Variants in OCIAD1 observed in about 807,000 individuals in gnomAD.
OCIAD1 encodes OCIA domain containing 1.
In OCIAD1, 29 loss-of-function variants were observed where a neutral mutation model predicts 38.9. The ratio of observed to expected loss-of-function variants is 0.74; its 90% CI spans 0.55 to 1.02. OCIAD1 has a LOEUF of 1.02. OCIAD1 is among the 50% of genes least tolerant of loss of function. The pLI, the probability that OCIAD1 is intolerant of heterozygous loss-of-function variation, is 0.00. For synonymous variants in OCIAD1, 110 were observed against 92.0 expected (o/e 1.20, Z -1.12); for missense variants, 288 against 289.6 (o/e 0.99, Z 0.04).
At chr4:48,845,520 A>G (rs1327950566) in intron 4 of OCIAD1, among the ~76,000 whole-genome samples, 1 of 152,174 alleles carries the variant, frequency 6.6e-6, no homozygotes, top group South Asian at 2.1e-4. Context: ...AGTGTCTGAT[A>G]TGTACTATAC....
At chr4:48,835,466 G>GT (rs1777897183) in intron 3 of OCIAD1, among the ~76,000 whole-genome samples, 1 of 152,014 alleles carries the variant, frequency 6.6e-6, no homozygotes, top group African/African-American at 2.4e-5. Flanking sequence ...GTGTTTTTCT[G>GT]TAACATAAGG....
At chr4:48,836,121 G>A (rs1777961215) in intron 3 of OCIAD1, among the ~76,000 whole-genome samples, 1 of 152,166 alleles carries the variant, frequency 6.6e-6, no homozygotes, top group Admixed American at 6.5e-5. Flanking sequence ...TGCAAGATGG[G>A]TAGAAGGGTG....
intron 4 of OCIAD1, among the ~76,000 whole-genome samples, chr4:48,844,971 T>C (rs960814725): frequency 7.9e-5 from 12 of 152,158 alleles, no homozygotes; most frequent in African/African-American, 2.7e-4. Flanking sequence ...GTTTTTTTTT[T>C]CCTAAATATT....
intron 1 of OCIAD1, among the ~76,000 whole-genome samples, chr4:48,824,631 C>T (rs542881419): frequency 3.3e-5 from 5 of 152,230 alleles, no homozygotes; most frequent in African/African-American, 1.2e-4. Flanking sequence ...AAGCGATCCT[C>T]CTGCCTTGGC....
intron 3 of OCIAD1, chr4:48,837,073 A>T (rs1219911749): frequency 6.6e-6 from 1 of 150,492 alleles, no homozygotes; most frequent in Non-Finnish European, 1.5e-5. Flanking sequence ...CTGGGTTCAT[A>T]CCATTCTCCT....
chr4:48,809,397 G>A (rs527963988), intron 1 of OCIAD1, among the ~76,000 whole-genome samples: 4 of 151,966 alleles, frequency 2.6e-5, no homozygotes, highest in Admixed American at 6.6e-5. Flanking sequence ...GGTGGTGGGC[G>A]CCAATAATCC....
chr4:48,818,977 T>C (rs1052120774), intron 1 of OCIAD1, among the ~76,000 whole-genome samples: 4 of 151,982 alleles, frequency 2.6e-5, no homozygotes, highest in African/African-American at 2.4e-5. Flanking sequence ...ATAGGGAGAA[T>C]GGAACCAAGT....
intron 3 of OCIAD1, among the ~76,000 whole-genome samples, chr4:48,839,591 A>G (rs959142505): frequency 7.9e-5 from 12 of 152,288 alleles, no homozygotes; most frequent in African/African-American, 2.6e-4. Context: ...TAGCTCATGA[A>G]ATTATTATAG....
chr4:48,839,504 C>G (rs79845185), intron 3 of OCIAD1, among the ~76,000 whole-genome samples: 3,263 of 151,730 alleles, frequency 0.022, 41 homozygotes, highest in Middle Eastern at 0.038. Flanking sequence ...GCTCCACACA[C>G]AGTAGCTGTG....
At chr4:48,825,614 G>A (rs749117644) in intron 1 of OCIAD1, among the ~76,000 whole-genome samples, 44 of 152,268 alleles carry the variant, frequency 2.9e-4, no homozygotes, top group Non-Finnish European at 4.6e-4. Context: ...GCAGGAAACT[G>A]GCCCATGGTC....
chr4:48,860,411 C>G (rs1226725389), intron 8 of OCIAD1, among the ~76,000 whole-genome samples: 4 of 151,018 alleles, frequency 2.6e-5, no homozygotes, highest in Non-Finnish European at 5.9e-5. Flanking sequence ...GACCTATACT[C>G]AAATCTCAGT....
Position 48,849,841 on chromosome 4 carries a change from C to T in OCIAD1, c.242-106C>T, listed in dbSNP as rs2109583395. 6.7e-6 allele frequency: 6 copies of T among 899,120 alleles called. No individual in the cohort carries two copies. In the Middle Eastern group the frequency reaches 7.7e-4, roughly 116 times the overall value. 55.7% of individuals were successfully genotyped at this position (899,120 alleles called of 1,614,324 possible). A position where few individuals can be genotyped will look rare whatever the true frequency, so the allele number is the denominator to read the frequency against. ...TCAGGAAATCTCAGTCTTTCTAAAC[C>T]AAAGACTTATTTAGAATCACACTTT... is the stretch of plus-strand genomic sequence containing the variant. On this transcript the variant is annotated intron_variant, in intron 5 of 8. Coordinates refer to ENST00000264312, the MANE Select transcript of OCIAD1 (RefSeq NM_017830.4).
chr4:48,842,028 AG>A (rs1778578092), intron 3 of OCIAD1, among the ~76,000 whole-genome samples: 2 of 152,220 alleles, frequency 1.3e-5, no homozygotes, highest in Non-Finnish European at 2.9e-5. Context: ...TAAAAGCTTG[AG>A]ATCTGGTATC....
At chr4:48,824,559 A>G (rs1220865886) in intron 1 of OCIAD1, among the ~76,000 whole-genome samples, 1 of 150,480 alleles carries the variant, frequency 6.6e-6, no homozygotes, top group Middle Eastern at 3.2e-3. Context: ...TATTATTATT[A>G]TTATTATTTT....
chr4:48,818,924 G>A (rs1172714460), intron 1 of OCIAD1, among the ~76,000 whole-genome samples: 1 of 152,152 alleles, frequency 6.6e-6, no homozygotes, highest in Non-Finnish European at 1.5e-5. Context: ...ATGTGACTAT[G>A]TGAAAAGACC....
At chr4:48,845,347 A>G (rs1322978415) in intron 4 of OCIAD1, among the ~76,000 whole-genome samples, 1 of 152,140 alleles carries the variant, frequency 6.6e-6, no homozygotes, top group Admixed American at 6.6e-5. Flanking sequence ...TTCAAAAACA[A>G]CCTGTTTGTT....
chr4:48,842,590 A>G (rs1256421538), intron 3 of OCIAD1, 46 bp from the exon 4 acceptor site: 4 of 1,297,242 alleles, frequency 3.1e-6, no homozygotes, highest in Non-Finnish European at 4.4e-6. Context: ...TTTAGACAAA[A>G]TCTTTTACTT....
Position 48,860,965 on chromosome 4 carries a change from G to A in OCIAD1, c.*203G>A. The A allele has an allele frequency of 3.7e-6, 2 of 544,480 alleles. No individual in the cohort carries two copies. The highest frequency in any genetic ancestry group is 6.5e-6 in the Non-Finnish European group (2 of 305,578). 33.7% of individuals were successfully genotyped at this position (544,480 alleles called of 1,614,324 possible). On this transcript the variant is annotated 3_prime_UTR_variant, in exon 9 of 9. Coordinates refer to ENST00000264312, the MANE Select transcript of OCIAD1 (RefSeq NM_017830.4). ...TATTGTGTAAATGTACTCACCTTAGGGATTCATTTGAATGATGGTATTATA... is the reference window on the plus strand; with the variant it reads ...TATTGTGTAAATGTACTCACCTTAGAGATTCATTTGAATGATGGTATTATA...
rs370886834 is a variant in OCIAD1, at chr4:48,811,861, A to AT, written c.-103+6541dup. ...GAGGAAGACTGAAAAGAAAAGTTTC[A>AT]TTTTTTTTTTCTGTTGTGGTGTCAA... On this transcript the variant is annotated intron_variant, in intron 1 of 6. Coordinates refer to the OCIAD1 transcript ENST00000504654. Among the ~76,000 whole-genome samples, 12 of 149,640 alleles carry AT rather than the reference A, an allele frequency of 8.0e-5. No individual in the cohort carries two copies. The South Asian group carries it at 8.5e-4, about 11-fold the overall frequency.
Sources: allele counts gnomAD v4.1 joint callset (sites outside exome capture counted in the v4.1 genomes callset), GRCh38; gene constraint gnomAD v4.1.1; transcripts MANE v1.5; gene names NCBI Gene and HGNC (gene_info 2026-07-23, HGNC 2026-07-21).